The following NIM1K variants were observed in gnomAD, a reference collection of about 807,000 sequenced individuals.
NIM1K encodes the protein NIM1 serine/threonine protein kinase.
Under a neutral mutation model 37.1 loss-of-function variants are expected in NIM1K, and 35 were observed. The ratio of observed to expected loss-of-function variants is 0.94; its 90% CI spans 0.72 to 1.25. The LOEUF (loss-of-function observed/expected upper bound fraction) is 1.25. Ranked by LOEUF, NIM1K falls within the 50% of genes most tolerant of loss-of-function variation. NIM1K has a pLI of 0.00. For synonymous variants in NIM1K, 234 were observed against 206.6 expected (o/e 1.13, Z -1.14); for missense variants, 564 against 548.0 (o/e 1.03, Z -0.29).
intron 1 of NIM1K, among the ~76,000 whole-genome samples, chr5:43,226,364 G>C (rs548015690): frequency 4.5e-4 from 68 of 152,350 alleles, no homozygotes; most frequent in Non-Finnish European, 8.7e-4. Flanking sequence ...TCAAAAGCCA[G>C]TAGTGGCTTA....
intron 2 of NIM1K, among the ~76,000 whole-genome samples, chr5:43,274,402 G>T (rs962617560): frequency 3.3e-5 from 5 of 150,662 alleles, no homozygotes; most frequent in Non-Finnish European, 7.4e-5. Flanking sequence ...TCAGTAATGG[G>T]AGAACTGAGG....
At chr5:43,217,255 A>C (rs1752313341) in intron 1 of NIM1K, among the ~76,000 whole-genome samples, 1 of 152,142 alleles carries the variant, frequency 6.6e-6, no homozygotes, top group African/African-American at 2.4e-5. Context: ...TCTTTCACTT[A>C]ATGTAATGTT....
At chr5:43,224,715 G>A in intron 1 of NIM1K, among the ~76,000 whole-genome samples, 1 of 41,484 alleles carries the variant, frequency 2.4e-5, no homozygotes, top group African/African-American at 9.0e-5. Context: ...TTTTTTTTTT[G>A]AGACAGCTTC....
intron 1 of NIM1K, among the ~76,000 whole-genome samples, chr5:43,217,374 G>A (rs552855431): frequency 4.7e-5 from 7 of 148,622 alleles, no homozygotes; most frequent in African/African-American, 1.2e-4. Flanking sequence ...TTCATCAGTT[G>A]ATGAATATTG....
At chr5:43,210,913 G>C (rs189996136) in intron 1 of NIM1K, among the ~76,000 whole-genome samples, 71 of 152,350 alleles carry the variant, frequency 4.7e-4, no homozygotes, top group Non-Finnish European at 9.1e-4. Context: ...GCTCACGCCT[G>C]TAATCCCAGC....
chr5:43,232,402 G>T (rs2112244525), intron 1 of NIM1K: 1 of 1,433,116 alleles, frequency 7.0e-7, no homozygotes, highest in South Asian at 1.1e-5. Flanking sequence ...CCACCAGCTT[G>T]GTCTGGAATT....
At chr5:43,237,265 T>C (rs1190748422) in intron 1 of NIM1K, among the ~76,000 whole-genome samples, 1 of 152,216 alleles carries the variant, frequency 6.6e-6, no homozygotes. Context: ...ATTTTCACAG[T>C]GGGTTATAAG....
Position 43,227,080 on chromosome 5 carries a change from A to G in NIM1K, c.-694-18002A>G, listed in dbSNP as rs577211331. Among the ~76,000 whole-genome samples, 6 of 152,190 alleles carry G rather than the reference A, an allele frequency of 3.9e-5. No homozygotes were observed. In the South Asian group the frequency reaches 1.0e-3, roughly 26 times the overall value. ...GGGAGGATTTTAAAAGAATTGGTTC[A>G]CCGGGCGCAGTGGCTCATGCCTGTA... On this transcript the variant is annotated intron_variant, in intron 1 of 3. Coordinates refer to ENST00000326035, the MANE Select transcript of NIM1K (RefSeq NM_153361.4).
chr5:43,193,233 T>C (rs899263036), intron 1 of NIM1K: 1 of 152,036 alleles, frequency 6.6e-6, no homozygotes, highest in African/African-American at 2.4e-5. Context: ...ATAGATAACA[T>C]GGGCAGCAAA....
chr5:43,277,779 CGTGTGTGTGTGT>C lies in NIM1K; in HGVS notation c.561+480_561+491del, dbSNP rs765779433. Among the ~76,000 whole-genome samples the C allele has an allele frequency of 1.7e-3, 214 of 127,502 alleles. 1 individual carries two copies. Among genetic ancestry groups the C allele is most frequent in the African/African-American group, 6.5e-3 (201 of 31,096 alleles). 83.6% of individuals were successfully genotyped at this position (127,502 alleles called of 152,430 possible). The stretch of plus-strand genomic sequence containing the variant: ...CTCTCTCTCCCCCACCCCCCCTCTC[CGTGTGTGTGTGT>C]GTGTGTGTGTGTGTGTGTGTGTGTG... On this transcript the variant is annotated intron_variant, in intron 3 of 3. Coordinates refer to ENST00000326035, the MANE Select transcript of NIM1K (RefSeq NM_153361.4).
At position 43,245,803 on chromosome 5, in the gene NIM1K, G is replaced by T. The variant is rs745787938; in HGVS notation, c.28G>T (p.Gly10Cys). 3.3e-5 allele frequency: 53 copies of T among 1,609,888 alleles called. 1 individual carries two copies. In the South Asian group the frequency reaches 5.7e-4, roughly 17 times the overall value. Residue 10 changes from glycine (G) to cysteine (C), a missense_variant, in exon 2 of 4, where the codon GGC becomes TGC. Coordinates refer to ENST00000326035, the MANE Select transcript of NIM1K (RefSeq NM_153361.4). ...GACTGCAGTGTATATGAATGGAGGTGGCCTGGTGAACCCCCACTATGCCCG... is the reference window on the plus strand; with the variant it reads ...GACTGCAGTGTATATGAATGGAGGTTGCCTGGTGAACCCCCACTATGCCCG... Reference protein sequence around the residue: MTAVYMNGGGLVNPHYARWD... With the variant: MTAVYMNGGCLVNPHYARWD...
chr5:43,203,647 A>T (rs1471301943), intron 1 of NIM1K, among the ~76,000 whole-genome samples: 1 of 152,234 alleles, frequency 6.6e-6, no homozygotes, highest in Non-Finnish European at 1.5e-5. Flanking sequence ...TTCTTTTAAC[A>T]ATAGTCATAT....
intron 1 of NIM1K, among the ~76,000 whole-genome samples, chr5:43,244,228 G>A (rs1752745526): frequency 1.3e-5 from 2 of 152,222 alleles, no homozygotes; most frequent in African/African-American, 4.8e-5. Flanking sequence ...GGTTTGGAAT[G>A]CTCAAGTCCA....
At chr5:43,265,170 C>T in intron 2 of NIM1K, among the ~76,000 whole-genome samples, 1 of 152,196 alleles carries the variant, frequency 6.6e-6, no homozygotes, top group Non-Finnish European at 1.5e-5. Context: ...GCCTGCCTTG[C>T]TAGGTTGGGG....
intron 1 of NIM1K, among the ~76,000 whole-genome samples, chr5:43,220,727 T>G (rs948999585): frequency 2.0e-5 from 3 of 152,270 alleles, no homozygotes; most frequent in African/African-American, 7.2e-5. Flanking sequence ...GAAACTTTAT[T>G]CCTTTGCAGC....
In NIM1K at chr5:43,280,258, A is replaced by C. The variant is rs749341351; in HGVS notation, c.840A>C (p.Lys280Asn). The change falls in exon 4 of 4, where the codon AAA becomes AAC. Residue 280 changes from lysine (K) to asparagine (N), a missense_variant. Physicochemically the swap from Lys to Asn is moderately conservative, Grantham distance 94. Transcript: ENST00000326035. The part of the protein sequence containing the change: ...PFRAETVAKL[K>N]KSILEGTYSV... ...GGGCAGAAACCGTGGCCAAACTAAA[A>C]AAGAGCATCCTCGAGGGCACATACA... The C allele has an allele frequency of 2.8e-5, 45 of 1,614,058 alleles. No homozygotes were observed. In the South Asian group the frequency reaches 4.7e-4, roughly 17 times the overall value.
intron 2 of NIM1K, among the ~76,000 whole-genome samples, chr5:43,269,109 G>T (rs1753214895): frequency 6.6e-6 from 1 of 151,846 alleles, no homozygotes; most frequent in Non-Finnish European, 1.5e-5. Flanking sequence ...AGGAGTTCAA[G>T]ACCAGCCAGA....
chr5:43,205,507 C>G (rs35837951), intron 1 of NIM1K, among the ~76,000 whole-genome samples: 4,520 of 152,172 alleles, frequency 0.03, 100 homozygotes, highest in Middle Eastern at 0.075. Context: ...AATCTCAGCA[C>G]TTTGTGAAGC....
At chr5:43,213,194 TTTC>T (rs1752234636) in intron 1 of NIM1K, among the ~76,000 whole-genome samples, 1 of 57,982 alleles carries the variant, frequency 1.7e-5, no homozygotes, top group East Asian at 2.8e-4. Flanking sequence ...TCTTTCTTTC[TTTC>T]TTTCTTTCTT....
Sources: gnomAD v4.1 joint callset for allele counts (sites outside exome capture counted in the v4.1 genomes callset) on GRCh38, gnomAD v4.1.1 for gene constraint, MANE v1.5 for transcripts, NCBI Gene and HGNC (gene_info 2026-07-23, HGNC 2026-07-21) for gene names.